The following TGS1 variants were observed in gnomAD, a reference collection of about 807,000 sequenced individuals.
TGS1 encodes the protein trimethylguanosine synthase.
TGS1 carries 69 observed loss-of-function variants against 92.2 expected under a neutral mutation model. The observed-to-expected ratio is 0.75, with a 90% CI of 0.62 to 0.91. The LOEUF (loss-of-function observed/expected upper bound fraction) is 0.91, where lower values mean the gene tolerates loss of function less well. Among genes scored for constraint, TGS1 ranks in the 40% least tolerant of loss-of-function variants. The probability of loss-of-function intolerance (pLI) is 0.00; values close to 1 mark genes in which losing one functional copy is unlikely to be tolerated. For missense variants in TGS1, 1,062 were observed against 1,001.2 expected (o/e 1.06, Z -0.82); for synonymous variants, 345 against 338.1 (o/e 1.02, Z -0.22).
intron 12 of TGS1, among the ~76,000 whole-genome samples, chr8:55,815,013 A>G (rs1375866683): frequency 6.6e-6 from 1 of 152,056 alleles, no homozygotes; most frequent in Non-Finnish European, 1.5e-5. Context: ...TTTCTCATAT[A>G]TGAATATTAT....
At position 55,826,218 on chromosome 8, in the gene TGS1, AT is replaced by A. The variant is rs920075403; in HGVS notation, c.*1523del. On this transcript the variant is annotated 3_prime_UTR_variant, in exon 13 of 13. Transcript: ENST00000260129. Reference sequence around the variant, plus strand: ...TAAAGGCAGATTTCCAAAATCACTAATTTTTTTTAGTTTTTTGTCACTTAAC... The same window carrying A: ...TAAAGGCAGATTTCCAAAATCACTAATTTTTTTAGTTTTTTGTCACTTAAC... Among the ~76,000 whole-genome samples, 19 of 151,940 alleles carry A rather than the reference AT, an allele frequency of 1.3e-4. 1 individual carries two copies. The South Asian group carries it at 1.9e-3, about 15-fold the overall frequency.
At chr8:55,783,456 C>T (rs1427565798) in intron 2 of TGS1, among the ~76,000 whole-genome samples, 3 of 152,084 alleles carry the variant, frequency 2.0e-5, no homozygotes, top group Admixed American at 2.0e-4. Flanking sequence ...TAATACACTT[C>T]ATGAGAAGTG....
chr8:55,781,133 T>G (rs1811549479), intron 1 of TGS1, among the ~76,000 whole-genome samples: 1 of 152,226 alleles, frequency 6.6e-6, no homozygotes, highest in African/African-American at 2.4e-5. Context: ...GTGTTATATA[T>G]GTGTGTTTTA....
intron 9 of TGS1, among the ~76,000 whole-genome samples, chr8:55,803,840 C>G (rs1036320299): frequency 6.6e-6 from 1 of 151,978 alleles, no homozygotes; most frequent in African/African-American, 2.4e-5. Context: ...TACAAGCAAG[C>G]ACTACCATGC....
intron 6 of TGS1, among the ~76,000 whole-genome samples, chr8:55,793,510 T>A (rs1454563424): frequency 6.6e-6 from 1 of 152,134 alleles, no homozygotes; most frequent in Non-Finnish European, 1.5e-5. Context: ...TTGGCATACG[T>A]CCCTCCAAAT....
intron 12 of TGS1, among the ~76,000 whole-genome samples, chr8:55,814,143 T>C (rs978297566): frequency 5.3e-5 from 8 of 151,996 alleles, no homozygotes; most frequent in African/African-American, 1.7e-4. Flanking sequence ...AGATGAGGTC[T>C]CACCATGTTG....
At position 55,773,734 on chromosome 8, in the gene TGS1, GAATC is replaced by G. The variant is rs765511135; in HGVS notation, c.101+16_101+19del. Reference sequence around the variant, plus strand: ...GCATTTGTGGAGTAAGTAGAAAAGAGAATCTCTTCATGTTCTAGCACAGTCATTA... The same window carrying G: ...GCATTTGTGGAGTAAGTAGAAAAGAGTCTTCATGTTCTAGCACAGTCATTA... On this transcript the variant is annotated intron_variant, in intron 1 of 12. Transcript: ENST00000260129. 8.1e-5 allele frequency: 129 copies of G among 1,590,336 alleles called. No homozygotes were observed. The highest frequency in any genetic ancestry group is 1.1e-4 in the Non-Finnish European group (123 of 1,162,432).
intron 9 of TGS1, 25 bp from the exon 10 acceptor site, chr8:55,804,868 T>G (rs768130531): frequency 1.9e-6 from 3 of 1,608,668 alleles, no homozygotes; most frequent in East Asian, 2.2e-5. Flanking sequence ...TTGAACATGC[T>G]AACACAAATA....
At chr8:55,807,859 C>G (rs1221604610) in intron 10 of TGS1, among the ~76,000 whole-genome samples, 2 of 152,118 alleles carry the variant, frequency 1.3e-5, no homozygotes, top group Admixed American at 6.5e-5. Flanking sequence ...AGTTTTCATT[C>G]TGAAGATGCA....
intron 12 of TGS1, among the ~76,000 whole-genome samples, chr8:55,814,674 A>AAATATATATATAT (rs1254531524): frequency 2.4e-5 from 3 of 123,334 alleles, no homozygotes; most frequent in East Asian, 2.4e-4. Flanking sequence ...AAAAAAAAAA[A>AAATATATATATAT]ATATATATAT....
At position 55,804,984 on chromosome 8, in the gene TGS1, A is replaced by G. The variant is rs1812327094; in HGVS notation, c.2091A>G (p.Ala697=). Residue 697 remains alanine (A), a synonymous_variant, in exon 10 of 13, where the codon GCA becomes GCG. Transcript: ENST00000260129. ...TCAAGTGTGACGTTGTAGTAGACGC[A>G]TTCTGTGGAGTTGGAGGAAATACCA... is the stretch of plus-strand genomic sequence containing the variant. The part of the protein sequence containing the change: ...QSFKCDVVVD[A]FCGVGGNTIQ... 3 of 1,613,980 alleles carry G rather than the reference A, an allele frequency of 1.9e-6. No individual in the cohort carries two copies. The highest frequency in any genetic ancestry group is 2.5e-6 in the Non-Finnish European group (3 of 1,179,990).
chr8:55,793,045 T>C (rs1811928490), intron 6 of TGS1, among the ~76,000 whole-genome samples: 1 of 152,224 alleles, frequency 6.6e-6, no homozygotes, highest in African/African-American at 2.4e-5. Flanking sequence ...GCTTTGACTT[T>C]ACTGGAGAGG....
At chr8:55,798,248 G>A (rs777119884) in intron 7 of TGS1, among the ~76,000 whole-genome samples, 15 of 152,194 alleles carry the variant, frequency 9.9e-5, no homozygotes, top group Non-Finnish European at 2.1e-4. Context: ...TCACTCTCAG[G>A]AAGGTCATGA....
chr8:55,823,703 C>G (rs1193001346), intron 12 of TGS1, among the ~76,000 whole-genome samples: 1 of 151,814 alleles, frequency 6.6e-6, no homozygotes, highest in Non-Finnish European at 1.5e-5. Flanking sequence ...GGGTGAGATG[C>G]AGATGGTAAG....
intron 2 of TGS1, among the ~76,000 whole-genome samples, chr8:55,783,639 C>G (rs1304280299): frequency 6.6e-6 from 1 of 152,170 alleles, no homozygotes; most frequent in East Asian, 1.9e-4. Context: ...TCAAACTTCC[C>G]TACTGCATTT....
At position 55,811,032 on chromosome 8, in the gene TGS1, T is replaced by C. The variant is rs774474434; in HGVS notation, c.2295T>C (p.Pro765=). 7 of 1,614,052 alleles carry C rather than the reference T, an allele frequency of 4.3e-6. No individual in the cohort carries two copies. In the Admixed American group the frequency reaches 1.2e-4, roughly 27 times the overall value. ...CTGATGTTGTGTTCCTCAGCCCACC[T>C]TGGGGAGGGCCAGACTATGCCACTG... is the stretch of plus-strand genomic sequence containing the variant. ...LKADVVFLSP[P]WGGPDYATAE... is the part of the protein sequence containing the mutation. Residue 765 remains proline (P), a synonymous_variant, in exon 11 of 13, where the codon CCT becomes CCC. Coordinates refer to ENST00000260129, the MANE Select transcript of TGS1 (RefSeq NM_024831.8).
At chr8:55,799,361 TAA>T (rs1812155161) in intron 8 of TGS1, 141 bp downstream of exon 8, 1 of 796,370 alleles carries the variant, frequency 1.3e-6, no homozygotes, top group African/African-American at 1.7e-5. Flanking sequence ...GAAGGCATAT[TAA>T]GTGTACATGT....
intron 7 of TGS1, 151 bp from the exon 8 acceptor site, chr8:55,798,763 T>C: frequency 1.6e-6 from 1 of 621,770 alleles, no homozygotes; most frequent in Non-Finnish European, 2.7e-6. Flanking sequence ...AGGTCAGAAT[T>C]ACTTACTATT....
At chr8:55,804,336 GA>G (rs1812302857) in intron 9 of TGS1, among the ~76,000 whole-genome samples, 1 of 152,168 alleles carries the variant, frequency 6.6e-6, no homozygotes, top group South Asian at 2.1e-4. Context: ...AACTACTCAG[GA>G]GGCTGAAGCA....
Sources: allele counts gnomAD v4.1 joint callset (sites outside exome capture counted in the v4.1 genomes callset), GRCh38; gene constraint gnomAD v4.1.1; transcripts MANE v1.5; gene names NCBI Gene and HGNC (gene_info 2026-07-23, HGNC 2026-07-21).